ADNP: variants seen among roughly 807,000 people sequenced by gnomAD.
The protein encoded by ADNP is activity dependent neuroprotector homeobox, also known as activity-dependent neuroprotector homeobox protein.
ADNP carries 4 observed loss-of-function variants against 84.9 expected under a neutral mutation model. The ratio of observed to expected loss-of-function variants is 0.05; its 90% confidence interval spans 0.02 to 0.11. The LOEUF (loss-of-function observed/expected upper bound fraction) is 0.11. ADNP is among the 10% of genes least tolerant of loss of function. ADNP has a pLI of 1.00. For missense variants in ADNP, 1,132 were observed against 1,326.0 expected, an observed-to-expected ratio of 0.85 and a Z score of 2.27; for synonymous variants, 554 against 468.1, an observed-to-expected ratio of 1.18 and a Z score of -2.37.
At chr20:50,905,369 T>C (rs895348281) in intron 2 of ADNP, 2 of 152,150 alleles carry the variant, frequency 1.3e-5, no homozygotes, top group Non-Finnish European at 2.9e-5. Context: ...TATATGCAAA[T>C]CCAGTTTTCT....
At chr20:50,907,515 C>T (rs1176904555) in intron 2 of ADNP, among the ~76,000 whole-genome samples, 1 of 151,284 alleles carries the variant, frequency 6.6e-6, no homozygotes, top group Non-Finnish European at 1.5e-5. Flanking sequence ...GATCCACCTG[C>T]CTCAGCCTCC....
chr20:50,903,170 G>A (rs1982150855), intron 4 of ADNP, among the ~76,000 whole-genome samples: 1 of 152,132 alleles, frequency 6.6e-6, no homozygotes, highest in Admixed American at 6.6e-5. Flanking sequence ...AAGGTTAGTG[G>A]GGGAAACAGC....
intron 5 of ADNP, among the ~76,000 whole-genome samples, chr20:50,900,680 G>T (rs1018728504): frequency 2.0e-5 from 3 of 152,176 alleles, no homozygotes; most frequent in Non-Finnish European, 4.4e-5. Context: ...CAGGGCCCAC[G>T]ATGTTTTAGT....
At chr20:50,923,041 G>A (rs1600993799) in intron 2 of ADNP, among the ~76,000 whole-genome samples, 1 of 152,210 alleles carries the variant, frequency 6.6e-6, no homozygotes, top group East Asian at 1.9e-4. Flanking sequence ...GAGAGCAGGA[G>A]AAGATCAGAG....
rs1356832287 is a variant in ADNP at position 50,889,508 on chromosome 20, ACTT to A, written c.*1894_*1896del. 2.6e-5 allele frequency: 5 copies of A among 189,372 alleles called. No individual in the cohort carries two copies. The highest frequency in any genetic ancestry group is 6.1e-5 in the Admixed American group (1 of 16,412). The allele number at this position is 189,372 out of a possible 1,614,324, so 11.7% of individuals were successfully genotyped here. ...CTTAAAGGTTCTAGTCTACTCTTGC[ACTT>A]CTTCCTGTACTGTTGTTGAGAAGCT... On this transcript the variant is annotated 3_prime_UTR_variant, in exon 6 of 6. Coordinates refer to ENST00000621696, the MANE Select transcript of ADNP (RefSeq NM_001282531.3).
intron 5 of ADNP, among the ~76,000 whole-genome samples, chr20:50,896,462 G>A (rs1160372272): frequency 6.6e-6 from 1 of 152,094 alleles, no homozygotes; most frequent in Non-Finnish European, 1.5e-5. Flanking sequence ...GTGGTGGCAG[G>A]CGCCTCTAAT....
At chr20:50,915,854 C>T (rs1288005650) in intron 2 of ADNP, among the ~76,000 whole-genome samples, 1 of 152,160 alleles carries the variant, frequency 6.6e-6, no homozygotes, top group Non-Finnish European at 1.5e-5. Flanking sequence ...AATGATGACA[C>T]ACGTATGTAC....
At chr20:50,902,177 A>G (rs939848996) in intron 4 of ADNP, 68 bp from the exon 5 acceptor site, 7 of 1,185,120 alleles carry the variant, frequency 5.9e-6, no homozygotes, top group Non-Finnish European at 7.5e-6. Flanking sequence ...TTACATGTAA[A>G]TCTCACCTCT....
intron 2 of ADNP, among the ~76,000 whole-genome samples, chr20:50,927,036 C>T (rs972758225): frequency 1.3e-5 from 2 of 152,102 alleles, no homozygotes; most frequent in African/African-American, 4.8e-5. Context: ...GCCTTATATA[C>T]CTATACTTTT....
intron 2 of ADNP, among the ~76,000 whole-genome samples, chr20:50,925,797 G>A (rs1290950930): frequency 6.6e-6 from 1 of 152,188 alleles, no homozygotes; most frequent in Non-Finnish European, 1.5e-5. Flanking sequence ...ACTATCACAA[G>A]CTCTTACAAA....
intron 2 of ADNP, among the ~76,000 whole-genome samples, chr20:50,908,782 G>GA (rs892325248): frequency 8.5e-4 from 126 of 148,966 alleles, no homozygotes; most frequent in Non-Finnish European, 1.5e-3. Flanking sequence ...TGCAAAAAAA[G>GA]AAAAAAAAAG....
chr20:50,913,992 A>C, intron 2 of ADNP: 1 of 749,834 alleles, frequency 1.3e-6, no homozygotes, highest in Non-Finnish European at 2.5e-6. Context: ...ATGAGACTGT[A>C]AAAGCCCTTC....
At chr20:50,894,914 T>A (rs1397393619) in intron 5 of ADNP, among the ~76,000 whole-genome samples, 1 of 152,104 alleles carries the variant, frequency 6.6e-6, no homozygotes. Flanking sequence ...GCACTGATTT[T>A]AGTATGTTTT....
chr20:50,917,750 A>G (rs1983624950), intron 2 of ADNP, among the ~76,000 whole-genome samples: 1 of 152,236 alleles, frequency 6.6e-6, no homozygotes. Flanking sequence ...AGGACCACAC[A>G]TAAACTCGTG....
At chr20:50,924,491 C>A (rs1445995565) in intron 2 of ADNP, among the ~76,000 whole-genome samples, 1 of 152,214 alleles carries the variant, frequency 6.6e-6, no homozygotes, top group African/African-American at 2.4e-5. Context: ...CAAGCACAGG[C>A]CTGGGAACCA....
intron 5 of ADNP, among the ~76,000 whole-genome samples, chr20:50,896,370 T>C (rs1981395900): frequency 6.6e-6 from 1 of 152,024 alleles, no homozygotes; most frequent in African/African-American, 2.4e-5. Flanking sequence ...GGCAGGTGGA[T>C]CACAAGGACA....
rs1980543925 is a variant in ADNP at position 50,890,220 on chromosome 20, A to G, written c.*1185T>C. 4.6e-6 allele frequency: 1 copy of G among 217,490 alleles called. No individual in the cohort carries two copies. 13.5% of individuals were successfully genotyped at this position (217,490 alleles called of 1,614,324 possible). On this transcript the variant is annotated 3_prime_UTR_variant, in exon 6 of 6. Coordinates refer to ENST00000621696, the MANE Select transcript of ADNP (RefSeq NM_001282531.3). ...AAAGCATTCTATTTGCAGATGACAGATCTTGGGTTTTCCACAAGTTTCCTC... is the reference window on the plus strand; with the variant it reads ...AAAGCATTCTATTTGCAGATGACAGGTCTTGGGTTTTCCACAAGTTTCCTC...
At chr20:50,897,669 G>T (rs1203318622) in intron 5 of ADNP, among the ~76,000 whole-genome samples, 1 of 152,106 alleles carries the variant, frequency 6.6e-6, no homozygotes, top group African/African-American at 2.4e-5. Flanking sequence ...AAGCTGCGAC[G>T]ACAGGACAAA....
At chr20:50,917,406 A>G (rs1008400112) in intron 2 of ADNP, among the ~76,000 whole-genome samples, 2 of 152,268 alleles carry the variant, frequency 1.3e-5, no homozygotes, top group Non-Finnish European at 2.9e-5. Flanking sequence ...GGAGGCCAAG[A>G]GTCACTAGAT....
Sources: allele counts gnomAD v4.1 joint callset (sites outside exome capture counted in the v4.1 genomes callset), GRCh38; gene constraint gnomAD v4.1.1; transcripts MANE v1.5; gene names NCBI Gene and HGNC (gene_info 2026-07-23, HGNC 2026-07-21).